Variants in C12orf56 observed in about 807,000 individuals in gnomAD.
C12orf56 encodes chromosome 12 open reading frame 56.
In C12orf56, 71 loss-of-function variants were observed where a neutral mutation model predicts 69.9. The observed-to-expected ratio is 1.02, with a 90% CI of 0.84 to 1.24. The LOEUF is 1.24. Ranked by LOEUF, C12orf56 falls within the 50% of genes most tolerant of loss-of-function variation. The pLI, the probability that C12orf56 is intolerant of heterozygous loss-of-function variation, is 0.00. For missense variants in C12orf56, 732 were observed against 738.5 expected, an observed-to-expected ratio of 0.99 and a Z score of 0.10; for synonymous variants, 276 against 274.1, an observed-to-expected ratio of 1.01 and a Z score of -0.07.
At chr12:64,300,839 T>G (rs764591463) in intron 6 of C12orf56, among the ~76,000 whole-genome samples, 2 of 152,222 alleles carry the variant, frequency 1.3e-5, no homozygotes, top group Non-Finnish European at 2.9e-5. Context: ...AGTGCCCACC[T>G]TATCCAGATG....
At chr12:64,346,092 T>A (rs991327314) in intron 2 of C12orf56, among the ~76,000 whole-genome samples, 1 of 152,110 alleles carries the variant, frequency 6.6e-6, no homozygotes, top group African/African-American at 2.4e-5. Context: ...TAGTCAGGGT[T>A]CTCTAGAGGG....
chr12:64,381,841 A>G (rs796878904), intron 1 of C12orf56, among the ~76,000 whole-genome samples: 5 of 152,350 alleles, frequency 3.3e-5, no homozygotes, highest in African/African-American at 1.2e-4. Context: ...TGAATCAAGG[A>G]TGATGGAAGA....
At chr12:64,311,072 T>A (rs2038605651) in intron 5 of C12orf56, among the ~76,000 whole-genome samples, 2 of 152,176 alleles carry the variant, frequency 1.3e-5, no homozygotes, top group Non-Finnish European at 2.9e-5. Flanking sequence ...GGCTGCATAG[T>A]ATTCCATGGT....
Position 64,277,581 on chromosome 12 carries a change from T to C in C12orf56, c.1434+99A>G, listed in dbSNP as rs73327138. 6,997 of 786,144 alleles carry C rather than the reference T, an allele frequency of 8.9e-3. 351 individuals are homozygous for C. The African/African-American group carries it at 0.11, about 12-fold the overall frequency. The allele number at this position is 786,144 out of a possible 1,614,324, so 48.7% of individuals were successfully genotyped here. A position where few individuals can be genotyped will look rare whatever the true frequency, so the allele number is the denominator to read the frequency against. On this transcript the variant is annotated intron_variant, in intron 9 of 12. Coordinates refer to ENST00000543942, the MANE Select transcript of C12orf56 (RefSeq NM_001170633.2). ...AAAGATCTACTCTTTGGTTTAATTA[T>C]GTTTCTCTATTCTACGGTGTCATGG...
At chr12:64,328,085 A>G (rs2136857942) in intron 3 of C12orf56, among the ~76,000 whole-genome samples, 1 of 152,170 alleles carries the variant, frequency 6.6e-6, no homozygotes, top group Non-Finnish European at 1.5e-5. Context: ...CCTCTTGTTC[A>G]AACTGTGAGA....
intron 2 of C12orf56, among the ~76,000 whole-genome samples, chr12:64,340,689 T>C (rs1464870542): frequency 6.6e-6 from 1 of 152,178 alleles, no homozygotes; most frequent in African/African-American, 2.4e-5. Flanking sequence ...CACAAACATG[T>C]TTTTAACGAA....
intron 2 of C12orf56, among the ~76,000 whole-genome samples, chr12:64,341,947 A>G (rs2136885739): frequency 6.6e-6 from 1 of 152,252 alleles, no homozygotes; most frequent in Non-Finnish European, 1.5e-5. Flanking sequence ...CACTTTGTTC[A>G]TGGGCCCATT....
intron 1 of C12orf56, among the ~76,000 whole-genome samples, chr12:64,354,136 G>A (rs959549338): frequency 1.3e-5 from 2 of 152,144 alleles, no homozygotes; most frequent in Admixed American, 1.3e-4. Context: ...TTGAACTACT[G>A]GAAATGTCCT....
At chr12:64,295,190 T>G (rs984801046) in intron 6 of C12orf56, among the ~76,000 whole-genome samples, 2 of 152,162 alleles carry the variant, frequency 1.3e-5, no homozygotes, top group African/African-American at 4.8e-5. Flanking sequence ...TGGAAAAAAT[T>G]TAAACTAGAA....
chr12:64,313,380 T>C (rs976474963), intron 4 of C12orf56, among the ~76,000 whole-genome samples: 11 of 151,914 alleles, frequency 7.2e-5, no homozygotes, highest in African/African-American at 2.4e-4. Context: ...CATCCCACTA[T>C]GCAAAGTGTC....
At chr12:64,339,211 C>T (rs926028113) in intron 2 of C12orf56, among the ~76,000 whole-genome samples, 2 of 152,152 alleles carry the variant, frequency 1.3e-5, no homozygotes, top group African/African-American at 4.8e-5. Context: ...ATCCTTATCT[C>T]CTGTTAACCT....
intron 8 of C12orf56, among the ~76,000 whole-genome samples, chr12:64,280,849 G>A (rs898139401): frequency 7.2e-5 from 11 of 152,134 alleles, no homozygotes; most frequent in African/African-American, 1.7e-4. Flanking sequence ...CTGAAACCTC[G>A]TGAGACCCTG....
chr12:64,372,071 G>A (rs79879050), intron 1 of C12orf56, among the ~76,000 whole-genome samples: 7,110 of 152,006 alleles, frequency 0.047, 556 homozygotes, highest in African/African-American at 0.16. Context: ...ATGAGCCACT[G>A]CACCTAGCCA....
At chr12:64,334,219 T>C (rs1428716454) in intron 2 of C12orf56, among the ~76,000 whole-genome samples, 2 of 152,214 alleles carry the variant, frequency 1.3e-5, no homozygotes, top group African/African-American at 4.8e-5. Context: ...GTGGGGAAGA[T>C]GGTCAGGCTT....
chr12:64,374,649 T>G lies in C12orf56; in HGVS notation c.252+15665A>C, dbSNP rs969496162. On this transcript the variant is annotated intron_variant, in intron 1 of 12. Coordinates refer to ENST00000543942, the MANE Select transcript of C12orf56 (RefSeq NM_001170633.2). Reference sequence around the variant, plus strand: ...AACTCCGCCTCCCAGGTTCCAGTGATTCTCCTGCCTCAGCCTCCTGAGTAG... The same window carrying G: ...AACTCCGCCTCCCAGGTTCCAGTGAGTCTCCTGCCTCAGCCTCCTGAGTAG... Among the ~76,000 whole-genome samples the G allele has an allele frequency of 3.9e-4, 59 of 152,104 alleles. 1 individual carries two copies. The highest frequency in any genetic ancestry group is 1.0e-4 in the Non-Finnish European group (7 of 68,008).
At chr12:64,319,419 C>T (rs966699938) in intron 3 of C12orf56, among the ~76,000 whole-genome samples, 1 of 151,990 alleles carries the variant, frequency 6.6e-6, no homozygotes, top group African/African-American at 2.4e-5. Flanking sequence ...TGTTTGAGAC[C>T]GGGTCTCACT....
chr12:64,357,626 G>A (rs1417784158), intron 1 of C12orf56, among the ~76,000 whole-genome samples: 1 of 151,908 alleles, frequency 6.6e-6, no homozygotes, highest in Non-Finnish European at 1.5e-5. Flanking sequence ...GCCAGGTGAG[G>A]TGGCTCACAC....
At chr12:64,279,530 A>G (rs1374833050) in intron 8 of C12orf56, among the ~76,000 whole-genome samples, 2 of 152,224 alleles carry the variant, frequency 1.3e-5, no homozygotes, top group African/African-American at 4.8e-5. Flanking sequence ...CATTCCTTTC[A>G]TAATGGAAAA....
chr12:64,288,758 T>C (rs1281169282), intron 6 of C12orf56, among the ~76,000 whole-genome samples: 1 of 147,968 alleles, frequency 6.8e-6, no homozygotes, highest in Non-Finnish European at 1.5e-5. Flanking sequence ...TGTAGCCTTG[T>C]AGTATAGTTT....
Sources: gnomAD v4.1 joint callset for allele counts (sites outside exome capture counted in the v4.1 genomes callset) on GRCh38, gnomAD v4.1.1 for gene constraint, MANE v1.5 for transcripts, NCBI Gene and HGNC (gene_info 2026-07-23, HGNC 2026-07-21) for gene names.